TRPS1: variants seen among roughly 807,000 people sequenced by gnomAD.
TRPS1 encodes the protein zinc finger transcription factor Trps1.
TRPS1 carries 6 observed loss-of-function variants against 101.2 expected under a neutral mutation model. That is an observed-to-expected ratio of 0.06 (90% CI 0.03 to 0.12). The LOEUF (loss-of-function observed/expected upper bound fraction) is 0.12. TRPS1 is among the 10% of genes least tolerant of loss of function. The pLI is 1.00. For synonymous variants in TRPS1, 578 were observed against 589.8 expected, an observed-to-expected ratio of 0.98 and a Z score of 0.29; for missense variants, 1,363 against 1,567.0, an observed-to-expected ratio of 0.87 and a Z score of 2.20.
chr8:115,638,185 G>C (rs1563661817), intron 1 of TRPS1, among the ~76,000 whole-genome samples: 1 of 152,090 alleles, frequency 6.6e-6, no homozygotes. Flanking sequence ...ACAGACCTCA[G>C]ATTTAGGTGC....
At chr8:115,544,691 C>T (rs997928178) in intron 5 of TRPS1, among the ~76,000 whole-genome samples, 2 of 152,116 alleles carry the variant, frequency 1.3e-5, no homozygotes, top group Admixed American at 6.6e-5. Context: ...GAGGCACTTA[C>T]GTCCACCAAT....
At position 115,417,436 on chromosome 8, in the gene TRPS1, G is replaced by A. The variant is rs564799305; in HGVS notation, c.2823+894C>T. ...AGCCATAATGTATTCACTGGCTTGT[G>A]CTAAGAGCTATGGTAAAACGCCAAA... On this transcript the variant is annotated intron_variant, in intron 6 of 6. Transcript: ENST00000395715. Among the ~76,000 whole-genome samples the A allele has an allele frequency of 3.4e-4, 51 of 152,128 alleles. 1 individual carries two copies. In the South Asian group the frequency reaches 9.8e-3, roughly 29 times the overall value.
chr8:115,633,004 G>C (rs1818682022), intron 1 of TRPS1, among the ~76,000 whole-genome samples: 1 of 152,082 alleles, frequency 6.6e-6, no homozygotes, highest in Non-Finnish European at 1.5e-5. Flanking sequence ...CGATTTTTCA[G>C]TGAAACAGCA....
At chr8:115,532,372 A>T (rs1400945075) in intron 5 of TRPS1, among the ~76,000 whole-genome samples, 1 of 152,188 alleles carries the variant, frequency 6.6e-6, no homozygotes, top group Admixed American at 6.5e-5. Flanking sequence ...GGCATATTGC[A>T]GTAAATTAAA....
intron 4 of TRPS1, among the ~76,000 whole-genome samples, chr8:115,602,745 G>T (rs961753642): frequency 1.3e-5 from 2 of 152,120 alleles, no homozygotes; most frequent in African/African-American, 4.8e-5. Flanking sequence ...TAGCATATTG[G>T]TATAGTAAGT....
chr8:115,531,237 G>T (rs1251794111), intron 5 of TRPS1, among the ~76,000 whole-genome samples: 2 of 152,182 alleles, frequency 1.3e-5, no homozygotes, highest in Non-Finnish European at 2.9e-5. Context: ...ACATCAGGCA[G>T]ACTGAAGTAA....
intron 5 of TRPS1, among the ~76,000 whole-genome samples, chr8:115,426,205 G>A (rs1374142363): frequency 6.6e-6 from 1 of 152,052 alleles, no homozygotes; most frequent in African/African-American, 2.4e-5. Flanking sequence ...AATACTAAAA[G>A]GCCTTTTGGA....
intron 5 of TRPS1, among the ~76,000 whole-genome samples, chr8:115,438,601 G>A (rs569075812): frequency 2.9e-4 from 44 of 152,246 alleles, no homozygotes; most frequent in African/African-American, 1.1e-3. Context: ...GGAAATCAGA[G>A]AGCATAAACA....
At chr8:115,648,662 A>AT (rs1328577614) in intron 1 of TRPS1, among the ~76,000 whole-genome samples, 1 of 149,060 alleles carries the variant, frequency 6.7e-6, no homozygotes, top group African/African-American at 2.5e-5. Context: ...AAAAGGAAAA[A>AT]TTTTTTTAAA....
rs1176139527 is a variant in TRPS1 at position 115,415,672 on chromosome 8, GA to G, written c.2824-589del. 2.0e-5 allele frequency among the ~76,000 whole-genome samples: 3 copies of G among 152,210 alleles called. No homozygotes were observed. In the East Asian group the frequency reaches 5.8e-4, roughly 29 times the overall value. On this transcript the variant is annotated intron_variant, in intron 6 of 6. Transcript: ENST00000395715. ...CTGTGGCCTTATGAGAAGAGGAAGAGAAAGAGATCTCTCTCCACTATGTGAG... is the reference window on the plus strand; with the variant it reads ...CTGTGGCCTTATGAGAAGAGGAAGAGAAGAGATCTCTCTCCACTATGTGAG...
At position 115,619,988 on chromosome 8, in the gene TRPS1, A is replaced by G; in HGVS notation, c.110T>C (p.Ile37Thr). ...SEGEGQILEP[I>T]GTESKVSGKN... is the part of the protein sequence containing the mutation. ...TCCAGATACCTTGCTTTCTGTACCT[A>G]TAGGCTCCAGGATCTGGCCCTCGCC... is the stretch of plus-strand genomic sequence containing the variant. The change falls in exon 3 of 7, where the codon ATA becomes ACA. Residue 37 changes from isoleucine to threonine, a missense_variant. By Grantham distance (89) the Ile-to-Thr change is moderately conservative (BLOSUM62 -1). This residue lies in a region of TRPS1 where 1,020 missense variants were observed against 1,073.0 expected (regional missense o/e 0.95). Coordinates refer to ENST00000395715, the MANE Select transcript of TRPS1 (RefSeq NM_014112.5). 5 of 1,614,138 alleles carry G rather than the reference A, an allele frequency of 3.1e-6. No homozygotes were observed. The highest frequency in any genetic ancestry group is 4.2e-6 in the Non-Finnish European group (5 of 1,180,026).
At chr8:115,607,518 A>G (rs1586452891) in intron 3 of TRPS1, among the ~76,000 whole-genome samples, 2 of 152,036 alleles carry the variant, frequency 1.3e-5, no homozygotes, top group South Asian at 2.1e-4. Flanking sequence ...CTGAAGAATG[A>G]ATACCTTCAT....
At chr8:115,426,834 T>C (rs891840191) in intron 5 of TRPS1, among the ~76,000 whole-genome samples, 1 of 152,214 alleles carries the variant, frequency 6.6e-6, no homozygotes, top group African/African-American at 2.4e-5. Context: ...ATTATCCCAG[T>C]TCAGATTTAC....
chr8:115,476,255 G>A lies in TRPS1; in HGVS notation c.2701-57803C>T, dbSNP rs1269972803. ...GGGATGGTCTCGATCTCCTGACCTCGTGATCCGCCCGCCTCGGCCTCCCAA... is the reference window on the plus strand; with the variant it reads ...GGGATGGTCTCGATCTCCTGACCTCATGATCCGCCCGCCTCGGCCTCCCAA... On this transcript the variant is annotated intron_variant, in intron 5 of 6. Coordinates refer to ENST00000395715, the MANE Select transcript of TRPS1 (RefSeq NM_014112.5). Among the ~76,000 whole-genome samples the A allele has an allele frequency of 1.0e-4, 2 of 19,236 alleles. 1 individual carries two copies. Among genetic ancestry groups the A allele is most frequent in the Non-Finnish European group, 1.4e-4 (2 of 13,970 alleles). 12.6% of individuals were successfully genotyped at this position (19,236 alleles called of 152,430 possible).
chr8:115,426,008 CTG>C (rs920964566), intron 5 of TRPS1, among the ~76,000 whole-genome samples: 21 of 152,336 alleles, frequency 1.4e-4, no homozygotes, highest in African/African-American at 4.8e-4. Context: ...TATGTCTGCA[CTG>C]TCTTTTTTTT....
chr8:115,448,609 C>T (rs1398715863), intron 5 of TRPS1, among the ~76,000 whole-genome samples: 1 of 152,172 alleles, frequency 6.6e-6, no homozygotes, highest in African/African-American at 2.4e-5. Flanking sequence ...CCGAGATAGA[C>T]AATGCACTTG....
At chr8:115,427,150 A>G (rs890666859) in intron 5 of TRPS1, among the ~76,000 whole-genome samples, 2 of 151,640 alleles carry the variant, frequency 1.3e-5, no homozygotes, top group Non-Finnish European at 2.9e-5. Flanking sequence ...GGTGGTATGC[A>G]TCTATAATCT....
In TRPS1 at chr8:115,412,351, A is replaced by G. The variant is rs531688586; in HGVS notation, c.*1672T>C. 6.6e-6 allele frequency: 1 copy of G among 152,548 alleles called. No homozygotes were observed. The highest frequency in any genetic ancestry group is 2.4e-5 in the African/African-American group (1 of 41,542). The allele number at this position is 152,548 out of a possible 1,614,324, so 9.4% of individuals were successfully genotyped here. On this transcript the variant is annotated 3_prime_UTR_variant, in exon 7 of 7. Transcript: ENST00000395715. Reference sequence around the variant, plus strand: ...CACACACACACACAAAAGGATATCTACTGCAATAGAAATAGTTGCTTCATT... The same window carrying G: ...CACACACACACACAAAAGGATATCTGCTGCAATAGAAATAGTTGCTTCATT...
chr8:115,487,335 T>C (rs1237921721), intron 5 of TRPS1, among the ~76,000 whole-genome samples: 1 of 152,200 alleles, frequency 6.6e-6, no homozygotes, highest in Non-Finnish European at 1.5e-5. Context: ...GATGGATATG[T>C]ACAAAGAGAT....
Sources: gnomAD v4.1 joint callset for allele counts (sites outside exome capture counted in the v4.1 genomes callset) on GRCh38, gnomAD v4.1.1 for gene constraint, gnomAD v4.1.1 regional missense constraint, MANE v1.5 for transcripts, NCBI Gene and HGNC (gene_info 2026-07-23, HGNC 2026-07-21) for gene names.